Variants in WDFY4 observed in about 807,000 individuals in gnomAD.
The protein encoded by WDFY4 is WD repeat- and FYVE domain-containing protein 4.
WDFY4 carries 169 observed loss-of-function variants against 351.9 expected under a neutral mutation model. The observed-to-expected ratio is 0.48, with a 90% CI of 0.42 to 0.55. WDFY4 has a LOEUF of 0.55. Ranked by LOEUF, WDFY4 falls within the 20% of genes least tolerant of loss-of-function variation. WDFY4 has a pLI of 0.00. For missense variants in WDFY4, 3,803 were observed against 3,935.6 expected (o/e 0.97, Z 0.90); for synonymous variants, 1,622 against 1,574.6 (o/e 1.03, Z -0.71).
At chr10:48,876,355 A>G (rs1205020808) in intron 42 of WDFY4, among the ~76,000 whole-genome samples, 2 of 152,234 alleles carry the variant, frequency 1.3e-5, no homozygotes, top group Non-Finnish European at 2.9e-5. Flanking sequence ...GACTTTATTC[A>G]GATTCTACCT....
At chr10:48,939,531 A>T (rs1290435410) in intron 47 of WDFY4, among the ~76,000 whole-genome samples, 1 of 152,252 alleles carries the variant, frequency 6.6e-6, no homozygotes, top group African/African-American at 2.4e-5. Flanking sequence ...TCAGGAGCAC[A>T]TTAGAAAGCC....
chr10:48,865,389 A>G (rs1474484305), intron 39 of WDFY4, among the ~76,000 whole-genome samples: 2 of 152,194 alleles, frequency 1.3e-5, no homozygotes, highest in Non-Finnish European at 1.5e-5. Flanking sequence ...TCAGTTGTTA[A>G]GCCAACTCTG....
At chr10:48,977,672 C>A (rs141690682) in intron 59 of WDFY4, among the ~76,000 whole-genome samples, 2 of 152,178 alleles carry the variant, frequency 1.3e-5, no homozygotes, top group East Asian at 1.9e-4. Flanking sequence ...TCTCCTGGGC[C>A]CCCCCAAAGC....
intron 12 of WDFY4, among the ~76,000 whole-genome samples, chr10:48,759,903 A>G (rs1055231590): frequency 6.6e-6 from 1 of 151,930 alleles, no homozygotes; most frequent in Non-Finnish European, 1.5e-5. Flanking sequence ...TAAGTGTTTT[A>G]GTTGCATTCG....
chr10:48,882,149 A>G (rs770553977), intron 43 of WDFY4, among the ~76,000 whole-genome samples: 1 of 152,064 alleles, frequency 6.6e-6, no homozygotes, highest in Admixed American at 6.5e-5. Flanking sequence ...GTCTGCTCAC[A>G]TGCCTTAGGA....
chr10:48,883,439 T>C (rs148177478), intron 43 of WDFY4, among the ~76,000 whole-genome samples: 1 of 152,288 alleles, frequency 6.6e-6, no homozygotes, highest in East Asian at 1.9e-4. Flanking sequence ...GCTGGTACAA[T>C]TAGCCTATGT....
intron 47 of WDFY4, among the ~76,000 whole-genome samples, chr10:48,903,192 G>T (rs1367976174): frequency 6.6e-6 from 1 of 152,074 alleles, no homozygotes; most frequent in East Asian, 1.9e-4. Flanking sequence ...CATGGCTGAG[G>T]CTTATCAAAT....
intron 1 of WDFY4, among the ~76,000 whole-genome samples, chr10:48,699,785 G>A (rs2063429710): frequency 6.6e-6 from 1 of 152,180 alleles, no homozygotes; most frequent in African/African-American, 2.4e-5. Context: ...GGGCTGAGAG[G>A]TGAGGGTGAG....
At chr10:48,932,376 C>G (rs938434994) in intron 47 of WDFY4, 1 of 152,220 alleles carries the variant, frequency 6.6e-6, no homozygotes, top group African/African-American at 2.4e-5. Context: ...AATACAAAGT[C>G]TTTGCAACCT....
chr10:48,960,857 A>G (rs926868556), intron 53 of WDFY4, among the ~76,000 whole-genome samples: 2 of 152,228 alleles, frequency 1.3e-5, no homozygotes, highest in Admixed American at 6.5e-5. Flanking sequence ...ATATACAGGC[A>G]TGAAATGTGA....
At chr10:48,918,537 G>A (rs1838759193) in intron 47 of WDFY4, among the ~76,000 whole-genome samples, 1 of 152,114 alleles carries the variant, frequency 6.6e-6, no homozygotes, top group Admixed American at 6.5e-5. Flanking sequence ...AATCCTAAAT[G>A]TGTATGTACC....
At chr10:48,923,879 T>A (rs1314313353) in intron 47 of WDFY4, among the ~76,000 whole-genome samples, 3 of 152,208 alleles carry the variant, frequency 2.0e-5, no homozygotes, top group Non-Finnish European at 2.9e-5. Context: ...GAGAGAATCC[T>A]GGACAGGAAG....
In WDFY4 at chr10:48,776,787, G is replaced by A; in HGVS notation, c.2901G>A (p.Trp967Ter). The change falls in exon 16 of 62, where the codon TGG becomes TGA. Residue 967 changes from tryptophan to a stop codon, truncating the protein, a stop_gained. Transcript: ENST00000325239. LOFTEE classifies it high-confidence loss of function. ...QTAQGLAEGPWPAAPDAGLHP... is the reference protein window; with the variant it reads ...QTAQGLAEGP ...CACAGGGCTTGGCTGAGGGGCCCTG[G>A]CCAGCTGCCCCAGATGCTGGGCTGC... 3.2e-6 allele frequency: 5 copies of A among 1,541,788 alleles called. No homozygotes were observed. The highest frequency in any genetic ancestry group is 4.4e-6 in the Non-Finnish European group (5 of 1,138,894).
At chr10:48,852,224 G>A (rs2068978960) in intron 39 of WDFY4, among the ~76,000 whole-genome samples, 1 of 152,152 alleles carries the variant, frequency 6.6e-6, no homozygotes, top group Admixed American at 6.5e-5. Flanking sequence ...GATACACCGG[G>A]TGGAAATACA....
chr10:48,891,892 G>C (rs947749782), intron 44 of WDFY4, among the ~76,000 whole-genome samples: 1 of 152,194 alleles, frequency 6.6e-6, no homozygotes, highest in Non-Finnish European at 1.5e-5. Context: ...GAAGGAGTGC[G>C]GAAGAGTAGA....
intron 20 of WDFY4, among the ~76,000 whole-genome samples, chr10:48,787,893 CCTTCTTCTTCTT>C (rs1182060101): frequency 0.012 from 586 of 48,014 alleles, 9 homozygotes; most frequent in Non-Finnish European, 0.016. Context: ...TTCTTCTTCT[CCTTCTTCTTCTT>C]CTTCTTCTTC....
chr10:48,780,132 C>T lies in WDFY4; in HGVS notation c.3576+13C>T. On this transcript the variant is annotated intron_variant, in intron 19 of 61. Coordinates refer to ENST00000325239, the MANE Select transcript of WDFY4 (RefSeq NM_001394531.1). ...TGGCTCTGCCAAGGTGAGATGGCTC[C>T]TCCAAGCTGCACTTGCCCCACAACC... The T allele has an allele frequency of 1.3e-6, 2 of 1,551,608 alleles. No homozygotes were observed. The highest frequency in any genetic ancestry group is 8.7e-7 in the Non-Finnish European group (1 of 1,146,760).
chr10:48,891,042 C>G (rs894286003), intron 44 of WDFY4, among the ~76,000 whole-genome samples: 1 of 152,210 alleles, frequency 6.6e-6, no homozygotes, highest in Non-Finnish European at 1.5e-5. Context: ...ACTCACTCAA[C>G]GACATGTTAG....
At chr10:48,931,399 G>A (rs2940724) in intron 47 of WDFY4, among the ~76,000 whole-genome samples, 29,524 of 152,142 alleles carry the variant, frequency 0.19, 3,214 homozygotes, top group Non-Finnish European at 0.25. Flanking sequence ...CAAGGCAGCC[G>A]TTCCTGTTTC....
Sources: gnomAD v4.1 joint callset for allele counts (sites outside exome capture counted in the v4.1 genomes callset) on GRCh38, gnomAD v4.1.1 for gene constraint, MANE v1.5 for transcripts, NCBI Gene and HGNC (gene_info 2026-07-23, HGNC 2026-07-21) for gene names.